The following GMDS variants were observed in gnomAD, a reference collection of about 807,000 sequenced individuals.
The protein encoded by GMDS is GDP-mannose 4,6-dehydratase, also known as GDP-mannose 4,6 dehydratase.
A neutral mutation model predicts 49.9 loss-of-function variants in GMDS; 20 were observed. The observed-to-expected ratio is 0.40, with a 90% CI of 0.28 to 0.58. The LOEUF (loss-of-function observed/expected upper bound fraction) is 0.58. GMDS is among the 20% of genes least tolerant of loss of function. The probability of loss-of-function intolerance (pLI) is 0.42; values close to 1 mark genes in which losing one functional copy is unlikely to be tolerated. For synonymous variants in GMDS, 177 were observed against 178.6 expected (o/e 0.99, Z 0.07); for missense variants, 362 against 481.4 (o/e 0.75, Z 2.32).
intron 1 of GMDS, among the ~76,000 whole-genome samples, chr6:2,147,332 T>C (rs1057491385): frequency 4.0e-5 from 6 of 151,772 alleles, no homozygotes; most frequent in African/African-American, 1.5e-4. Context: ...CTGCCAAGAG[T>C]AGAAAACCAA....
intron 9 of GMDS, among the ~76,000 whole-genome samples, chr6:1,644,856 G>C (rs1359740770): frequency 6.6e-6 from 1 of 152,096 alleles, no homozygotes; most frequent in Non-Finnish European, 1.5e-5. Flanking sequence ...GGAAGCTGAG[G>C]CTTAGTGAGT....
At chr6:2,000,036 T>A (rs1766693574) in intron 4 of GMDS, among the ~76,000 whole-genome samples, 4 of 25,960 alleles carry the variant, frequency 1.5e-4, no homozygotes, top group African/African-American at 2.8e-4. Context: ...TATCTATATC[T>A]TTTTTTTTTT....
chr6:1,725,024 A>G (rs943348481), intron 9 of GMDS, among the ~76,000 whole-genome samples: 4 of 152,240 alleles, frequency 2.6e-5, no homozygotes, highest in African/African-American at 9.6e-5. Context: ...AAAGAGTGGT[A>G]AATGATGACC....
intron 4 of GMDS, among the ~76,000 whole-genome samples, chr6:2,052,879 A>C (rs375860436): frequency 6.6e-6 from 1 of 152,166 alleles, no homozygotes; most frequent in East Asian, 1.9e-4. Flanking sequence ...CAAACAATAG[A>C]AAGAGCCTCT....
intron 1 of GMDS, among the ~76,000 whole-genome samples, chr6:2,165,999 A>C (rs993251884): frequency 6.6e-6 from 1 of 152,250 alleles, no homozygotes; most frequent in Non-Finnish European, 1.5e-5. Context: ...AGTTACTCAG[A>C]GATAAAAAGC....
At chr6:1,642,213 C>G (rs1581400696) in intron 9 of GMDS, among the ~76,000 whole-genome samples, 2 of 139,158 alleles carry the variant, frequency 1.4e-5, no homozygotes, top group South Asian at 4.6e-4. Context: ...ATCGCCCAGG[C>G]TGGAGTGCAG....
chr6:1,956,172 A>T (rs978968014), intron 6 of GMDS, among the ~76,000 whole-genome samples: 1 of 152,236 alleles, frequency 6.6e-6, no homozygotes, highest in Non-Finnish European at 1.5e-5. Context: ...AGTTTTCTCG[A>T]ATGTTGAGGA....
intron 6 of GMDS, among the ~76,000 whole-genome samples, chr6:1,939,766 C>T (rs1464717052): frequency 6.6e-6 from 1 of 152,056 alleles, no homozygotes. Flanking sequence ...AATGGAATTG[C>T]CTTTAAGACA....
chr6:1,928,238 G>A (rs1361186681), intron 7 of GMDS, among the ~76,000 whole-genome samples: 1 of 151,978 alleles, frequency 6.6e-6, no homozygotes, highest in African/African-American at 2.4e-5. Flanking sequence ...CGTGGTACGC[G>A]CCTGTAGTCC....
intron 1 of GMDS, among the ~76,000 whole-genome samples, chr6:2,210,719 G>A (rs996001820): frequency 7.9e-5 from 12 of 152,146 alleles, no homozygotes; most frequent in Admixed American, 7.9e-4. Context: ...CTCTGGGCAC[G>A]GCACCTGGAG....
chr6:1,758,673 G>A (rs770736361), intron 7 of GMDS, among the ~76,000 whole-genome samples: 15 of 152,238 alleles, frequency 9.9e-5, no homozygotes, highest in Admixed American at 2.0e-4. Context: ...CCAGGGTGAA[G>A]CAGGAGGCTG....
At chr6:1,770,354 G>T (rs1212104238) in intron 7 of GMDS, among the ~76,000 whole-genome samples, 1 of 152,244 alleles carries the variant, frequency 6.6e-6, no homozygotes, top group Non-Finnish European at 1.5e-5. Context: ...AATTTTGCAT[G>T]TGTTTACTGA....
chr6:1,663,733 T>C (rs930656762), intron 9 of GMDS, among the ~76,000 whole-genome samples: 2 of 152,206 alleles, frequency 1.3e-5, no homozygotes, highest in African/African-American at 4.8e-5. Context: ...CCCCGGTGAC[T>C]GGTGAAGATC....
At chr6:1,848,694 A>G (rs1326545069) in intron 7 of GMDS, among the ~76,000 whole-genome samples, 1 of 152,222 alleles carries the variant, frequency 6.6e-6, no homozygotes. Context: ...TCCAGAGGGC[A>G]GGACTGCATA....
At chr6:1,884,662 T>C (rs928270082) in intron 7 of GMDS, among the ~76,000 whole-genome samples, 16 of 152,230 alleles carry the variant, frequency 1.1e-4, no homozygotes, top group Non-Finnish European at 2.4e-4. Context: ...TGCTCATTTG[T>C]AAATGTTCCC....
At chr6:1,659,118 C>G (rs1313904417) in intron 9 of GMDS, among the ~76,000 whole-genome samples, 2 of 152,086 alleles carry the variant, frequency 1.3e-5, no homozygotes, top group African/African-American at 4.8e-5. Flanking sequence ...CCTCATGAAC[C>G]ATGGGCCTCT....
chr6:1,972,179 T>C (rs1314709705), intron 4 of GMDS, among the ~76,000 whole-genome samples: 2 of 151,896 alleles, frequency 1.3e-5, no homozygotes, highest in Non-Finnish European at 2.9e-5. Flanking sequence ...TTAAAAAATA[T>C]ATAATTTTAA....
At chr6:1,904,195 C>T (rs1481352802) in intron 7 of GMDS, among the ~76,000 whole-genome samples, 1 of 152,106 alleles carries the variant, frequency 6.6e-6, no homozygotes, top group Non-Finnish European at 1.5e-5. Context: ...TTAAATAACA[C>T]GAAATTGTAC....
At chr6:1,670,540 T>C in intron 9 of GMDS, among the ~76,000 whole-genome samples, 1 of 151,698 alleles carries the variant, frequency 6.6e-6, no homozygotes, top group Admixed American at 6.6e-5. Flanking sequence ...GTAAAAGAAA[T>C]TGGCTTATCT....
Sources: gnomAD v4.1 joint callset for allele counts (sites outside exome capture counted in the v4.1 genomes callset) on GRCh38, gnomAD v4.1.1 for gene constraint, MANE v1.5 for transcripts, NCBI Gene and HGNC (gene_info 2026-07-23, HGNC 2026-07-21) for gene names.